ZFX: variants seen among roughly 807,000 people sequenced by gnomAD.
The protein encoded by ZFX is zinc finger X-chromosomal protein.
For missense variants in ZFX, 362 were observed against 628.3 expected (o/e 0.58, Z 4.53); for synonymous variants, 196 against 226.8 (o/e 0.86, Z 1.22).
intron 6 of ZFX, 86 bp from the exon 7 acceptor site, chrX:24,207,626 G>T: frequency 8.7e-7 from 1 of 1,147,386 alleles, no homozygotes; most frequent in Admixed American, 2.6e-5. Context: ...TTTGTAAAAA[G>T]TAATAAGAAA....
At chrX:24,162,677 TTGAG>T (rs1933479097) in intron 3 of ZFX, among the ~76,000 whole-genome samples, 1 of 112,405 alleles carries the variant, frequency 8.9e-6, no homozygotes, top group Non-Finnish European at 1.9e-5. Flanking sequence ...TTGCATATAC[TTGAG>T]TATTTTTTAA....
At chrX:24,183,512 T>C (rs745908786) in intron 5 of ZFX, among the ~76,000 whole-genome samples, 1 of 111,245 alleles carries the variant, frequency 9.0e-6, no homozygotes, top group East Asian at 2.8e-4. Flanking sequence ...AAATGCAGGT[T>C]GAGCATCCTT....
intron 5 of ZFX, among the ~76,000 whole-genome samples, chrX:24,199,590 T>A (rs1310547735): frequency 2.7e-5 from 3 of 110,481 alleles, no homozygotes; most frequent in Non-Finnish European, 5.7e-5. Flanking sequence ...TGAGGCTAAT[T>A]TGAGAAATGG....
intron 5 of ZFX, among the ~76,000 whole-genome samples, chrX:24,191,085 C>A (rs1050063681): frequency 8.9e-6 from 1 of 111,887 alleles, no homozygotes. Context: ...AGGGCAGGTA[C>A]AGGGTGGGAT....
intron 3 of ZFX, among the ~76,000 whole-genome samples, chrX:24,155,328 T>A (rs1932703970): frequency 8.9e-6 from 1 of 112,099 alleles, no homozygotes; most frequent in African/African-American, 3.2e-5. Flanking sequence ...TTGTGATCCT[T>A]AATTTTTAAG....
rs1035925663 is a variant in ZFX at position 24,165,527 on chromosome X, A to G, written c.-28-7188A>G. ...AATGACTAGTTCAGAGATAAATTAAATGCCCAATTTTGGGAAAGGTAGCAG... is the reference window on the plus strand; with the variant it reads ...AATGACTAGTTCAGAGATAAATTAAGTGCCCAATTTTGGGAAAGGTAGCAG... On this transcript the variant is annotated intron_variant, in intron 3 of 9. Transcript: ENST00000304543. Among the ~76,000 whole-genome samples the G allele has an allele frequency of 7.7e-4, 87 of 112,977 alleles. 1 individual carries two copies. The highest frequency in any genetic ancestry group is 1.4e-3 in the Non-Finnish European group (74 of 53,422).
At chrX:24,150,049 G>T (rs1471874144) in intron 1 of ZFX, 1 of 107,307 alleles carries the variant, frequency 9.3e-6, no homozygotes, top group African/African-American at 3.4e-5. Flanking sequence ...GCGGTCGAGG[G>T]GCCCCGGGTC....
chrX:24,150,633 A>G (rs1451387373), intron 1 of ZFX: 2 of 113,279 alleles, frequency 1.8e-5, no homozygotes, highest in African/African-American at 3.2e-5. Context: ...CCGCGCCTGT[A>G]GCCACCCGAG....
intron 5 of ZFX, among the ~76,000 whole-genome samples, chrX:24,205,814 T>C (rs1227649311): frequency 1.8e-5 from 2 of 111,085 alleles, no homozygotes; most frequent in Admixed American, 9.5e-5. Flanking sequence ...GCCACTGCAC[T>C]CCAGCCTGGA....
At chrX:24,188,537 T>C (rs1170098279) in intron 5 of ZFX, among the ~76,000 whole-genome samples, 1 of 110,702 alleles carries the variant, frequency 9.0e-6, no homozygotes, top group African/African-American at 3.3e-5. Flanking sequence ...GACCTATTCT[T>C]TGGGTGCTAA....
chrX:24,191,842 G>T (rs772660333), intron 5 of ZFX, among the ~76,000 whole-genome samples: 19 of 110,519 alleles, frequency 1.7e-4, no homozygotes, highest in Admixed American at 1.4e-3. Flanking sequence ...TGGGATTACA[G>T]GTGTGCGCTA....
At chrX:24,153,029 T>C (rs1932373881) in intron 3 of ZFX, among the ~76,000 whole-genome samples, 199 bp downstream of exon 3, 1 of 112,345 alleles carries the variant, frequency 8.9e-6, no homozygotes, top group African/African-American at 3.2e-5. Context: ...AAAAACATGC[T>C]CACGAATGTG....
chrX:24,160,630 A>C (rs1172332950), intron 3 of ZFX, among the ~76,000 whole-genome samples: 1 of 111,737 alleles, frequency 8.9e-6, no homozygotes, highest in East Asian at 2.8e-4. Flanking sequence ...TAGAGTGATT[A>C]TGTACATGTA....
At chrX:24,169,606 AAAAG>A (rs1335920572) in intron 3 of ZFX, among the ~76,000 whole-genome samples, 2 of 108,369 alleles carry the variant, frequency 1.8e-5, no homozygotes, top group African/African-American at 6.8e-5. Flanking sequence ...AAAAAAAAAA[AAAAG>A]ATTCTTGAGA....
At chrX:24,169,346 G>A in intron 3 of ZFX, among the ~76,000 whole-genome samples, 1 of 111,446 alleles carries the variant, frequency 9.0e-6, no homozygotes, top group East Asian at 2.8e-4. Context: ...GAGCCTTTGA[G>A]TATTGAGGAA....
At chrX:24,202,713 A>T (rs1334921462) in intron 5 of ZFX, among the ~76,000 whole-genome samples, 1 of 112,065 alleles carries the variant, frequency 8.9e-6, no homozygotes, top group African/African-American at 3.2e-5. Context: ...GCATGATGGC[A>T]AAGCTTAGTT....
rs763381869 is a variant in ZFX, at chrX:24,215,554, TGAG to T, written c.*4181_*4183del. 3.6e-5 allele frequency: 4 copies of T among 111,741 alleles called. No homozygotes were observed. The highest frequency in any genetic ancestry group is 7.6e-4 in the South Asian group (2 of 2,634). 9.2% of individuals were successfully genotyped at this position (111,741 alleles called of 1,213,427 possible). On this transcript the variant is annotated 3_prime_UTR_variant, in exon 10 of 10. Coordinates refer to ENST00000304543, the MANE Select transcript of ZFX (RefSeq NM_003410.4). ...ACTTGGGAAACACTTTTAGAGCACT[TGAG>T]GAACCTAAAAGATGACTGGTTCAGC... is the stretch of plus-strand genomic sequence containing the variant.
intron 3 of ZFX, among the ~76,000 whole-genome samples, chrX:24,155,680 A>C (rs2097663): frequency 0.023 from 2,555 of 112,356 alleles, 32 homozygotes; most frequent in Middle Eastern, 0.051. Flanking sequence ...ATCACTGCCA[A>C]AGGATTAGAT....
In ZFX at chrX:24,210,341, T is replaced by C. The variant is rs149869172; in HGVS notation, c.1383T>C (p.Cys461=). The change falls in exon 10 of 10, where the codon TGT becomes TGC. Residue 461 remains cysteine (C), a synonymous_variant. Transcript: ENST00000304543. ...AGAAGAAATACCGCTGTACTGACTG[T>C]GATTACACTACCAACAAGAAGATAA... ...LAKKKYRCTD[C]DYTTNKKISL... is the part of the protein sequence containing the mutation. 2.6e-4 allele frequency: 310 copies of C among 1,210,131 alleles called. No homozygotes were observed. Among genetic ancestry groups the C allele is most frequent in the Non-Finnish European group, 3.1e-4 (275 of 895,384 alleles).
Sources: allele counts gnomAD v4.1 joint callset (sites outside exome capture counted in the v4.1 genomes callset), GRCh38; gene constraint gnomAD v4.1.1; transcripts MANE v1.5; gene names NCBI Gene and HGNC (gene_info 2026-07-23, HGNC 2026-07-21).